The following RBFOX2 variants were observed in gnomAD, a reference collection of about 807,000 sequenced individuals.
The protein encoded by RBFOX2 is RNA binding fox-1 homolog 2, also known as RNA binding protein fox-1 homolog 2.
RBFOX2 carries 10 observed loss-of-function variants against 49.1 expected under a neutral mutation model. The observed-to-expected ratio is 0.20, with a 90% CI of 0.13 to 0.35. RBFOX2 has a LOEUF of 0.35. Among genes scored for constraint, RBFOX2 ranks in the 10% least tolerant of loss-of-function variants. The pLI is 1.00. For synonymous variants in RBFOX2, 183 were observed against 187.4 expected, an observed-to-expected ratio of 0.98 and a Z score of 0.19; for missense variants, 323 against 486.9, an observed-to-expected ratio of 0.66 and a Z score of 3.17.
intron 1 of RBFOX2, among the ~76,000 whole-genome samples, chr22:36,019,028 C>T (rs547520295): frequency 2.8e-4 from 43 of 152,238 alleles, no homozygotes; most frequent in Admixed American, 9.2e-4. Context: ...TTTCCATAGA[C>T]AAAATGAGAA....
chr22:35,945,993 T>TC (rs2054236379), intron 1 of RBFOX2, among the ~76,000 whole-genome samples: 1 of 151,880 alleles, frequency 6.6e-6, no homozygotes, highest in Admixed American at 6.6e-5. Context: ...CATTTACCGC[T>TC]CCCCCCTTTT....
At chr22:35,826,762 TAAC>T (rs1342739731) in intron 1 of RBFOX2, among the ~76,000 whole-genome samples, 2 of 152,220 alleles carry the variant, frequency 1.3e-5, no homozygotes, top group Non-Finnish European at 2.9e-5. Flanking sequence ...TATACATATA[TAAC>T]TGTGAGAAAG....
At chr22:35,766,113 A>G (rs1940875080) in intron 5 of RBFOX2, among the ~76,000 whole-genome samples, 1 of 152,238 alleles carries the variant, frequency 6.6e-6, no homozygotes, top group Non-Finnish European at 1.5e-5. Flanking sequence ...TTGAGAAAAT[A>G]AAGTGTTTAT....
intron 1 of RBFOX2, among the ~76,000 whole-genome samples, chr22:35,826,371 A>G (rs1224349160): frequency 6.6e-6 from 1 of 151,614 alleles, no homozygotes; most frequent in Non-Finnish European, 1.5e-5. Context: ...AAATAGAGAT[A>G]ATAATTACCA....
chr22:35,884,773 T>C (rs1569454843), intron 1 of RBFOX2, among the ~76,000 whole-genome samples: 1 of 152,220 alleles, frequency 6.6e-6, no homozygotes, highest in African/African-American at 2.4e-5. Flanking sequence ...TGGGGATCAC[T>C]AGGGACCATC....
upstream of RBFOX2, among the ~76,000 whole-genome samples, chr22:35,963,589 C>G (rs2056383844): frequency 6.6e-6 from 1 of 152,098 alleles, no homozygotes; most frequent in Non-Finnish European, 1.5e-5. Flanking sequence ...TCAGCAATGG[C>G]CTAGACTAAG....
At chr22:35,978,349 G>A (rs1056624520) in intron 1 of RBFOX2, among the ~76,000 whole-genome samples, 1 of 152,142 alleles carries the variant, frequency 6.6e-6, no homozygotes, top group Non-Finnish European at 1.5e-5. Flanking sequence ...AAATATAGAT[G>A]TATATGTGGT....
At chr22:35,979,143 C>A (rs1198945961) in intron 1 of RBFOX2, among the ~76,000 whole-genome samples, 1 of 152,038 alleles carries the variant, frequency 6.6e-6, no homozygotes, top group Admixed American at 6.6e-5. Flanking sequence ...GGTATTCCTG[C>A]CGAAAATGAT....
intron 1 of RBFOX2, among the ~76,000 whole-genome samples, chr22:35,882,924 C>T (rs1048203302): frequency 6.6e-6 from 1 of 152,184 alleles, no homozygotes; most frequent in African/African-American, 2.4e-5. Flanking sequence ...GGTTTCTGTT[C>T]TCTAAAATCC....
chr22:35,931,418 G>C (rs971238588), intron 1 of RBFOX2, among the ~76,000 whole-genome samples: 1 of 152,082 alleles, frequency 6.6e-6, no homozygotes, highest in Non-Finnish European at 1.5e-5. Context: ...TCAGTCTCCA[G>C]CTGGGGGGCC....
intron 1 of RBFOX2, among the ~76,000 whole-genome samples, chr22:35,972,822 T>C (rs1310975627): frequency 6.6e-6 from 1 of 152,088 alleles, no homozygotes; most frequent in Admixed American, 6.5e-5. Context: ...TCCTAGTGCT[T>C]AGAGACATCA....
At chr22:36,020,922 T>C (rs1232291568) in intron 1 of RBFOX2, among the ~76,000 whole-genome samples, 1 of 152,208 alleles carries the variant, frequency 6.6e-6, no homozygotes, top group Admixed American at 6.5e-5. Flanking sequence ...TTATAAATCA[T>C]GCTGCTATAA....
intron 1 of RBFOX2, among the ~76,000 whole-genome samples, chr22:35,871,252 G>A (rs2149191485): frequency 6.6e-6 from 1 of 152,302 alleles, no homozygotes; most frequent in South Asian, 2.1e-4. Context: ...GTTTTCCCAA[G>A]TAATGTGTAC....
In RBFOX2 at chr22:35,900,593, TAA is replaced by T. The variant is rs34716261; in HGVS notation, c.-34+38252_-34+38253del. Reference sequence around the variant, plus strand: ...ATGAGTATTGTCTATGAAGCTGACTTAAAAAAAAAAAAAAAAGTCGAAAGAAT... The same window carrying T: ...ATGAGTATTGTCTATGAAGCTGACTTAAAAAAAAAAAAAAGTCGAAAGAAT... On this transcript the variant is annotated intron_variant, in intron 1 of 13. Transcript: ENST00000359369. 2.2e-4 allele frequency among the ~76,000 whole-genome samples: 30 copies of T among 136,568 alleles called. No individual in the cohort carries two copies. The South Asian group carries it at 2.4e-3, about 11-fold the overall frequency. The allele number at this position is 136,568 out of a possible 152,430, so 89.6% of individuals were successfully genotyped here.
At chr22:35,969,915 C>G (rs2056777417) in intron 1 of RBFOX2, among the ~76,000 whole-genome samples, 1 of 152,326 alleles carries the variant, frequency 6.6e-6, no homozygotes, top group Middle Eastern at 3.4e-3. Context: ...TGTGCATGTG[C>G]AGTTTTCTCA....
chr22:35,777,686 T>C (rs1944270705), intron 4 of RBFOX2: 1 of 234,684 alleles, frequency 4.3e-6, no homozygotes, highest in African/African-American at 2.2e-5. Context: ...AATTTCACTT[T>C]ATTTAGTCTT....
rs142198394 is a variant in RBFOX2, at chr22:35,970,406, T to C, written c.187-31509A>G. ...ACTTATGCCTGAAATCTCAGCACTT[T>C]GGGAGGCTGAGGCAGGAGGACTGCT... is the stretch of plus-strand genomic sequence containing the variant. On this transcript the variant is annotated intron_variant, in intron 1 of 13. Coordinates refer to the RBFOX2 transcript ENST00000438146. 1.2e-3 allele frequency among the ~76,000 whole-genome samples: 181 copies of C among 151,170 alleles called. 3 individuals are homozygous for C. In the East Asian group the frequency reaches 0.031, roughly 26 times the overall value.
intron 1 of RBFOX2, among the ~76,000 whole-genome samples, chr22:35,957,759 A>G (rs1045192969): frequency 6.6e-6 from 1 of 152,232 alleles, no homozygotes; most frequent in African/African-American, 2.4e-5. Context: ...GTCTAAATAC[A>G]TGATTCACTC....
intron 2 of RBFOX2, among the ~76,000 whole-genome samples, chr22:35,783,402 T>C (rs150369707): frequency 2.5e-3 from 384 of 152,232 alleles, no homozygotes; most frequent in Middle Eastern, 6.8e-3. Context: ...TAAGTGAAAA[T>C]ATATTACAAA....
Sources: allele counts gnomAD v4.1 joint callset (sites outside exome capture counted in the v4.1 genomes callset), GRCh38; gene constraint gnomAD v4.1.1; transcripts MANE v1.5; gene names NCBI Gene and HGNC (gene_info 2026-07-23, HGNC 2026-07-21).